The following PCSK5 variants were observed in gnomAD, a reference collection of about 807,000 sequenced individuals.
The protein encoded by PCSK5 is prohormone convertase 5.
A neutral mutation model predicts 233.2 loss-of-function variants in PCSK5; 129 were observed. The ratio of observed to expected loss-of-function variants is 0.55; its 90% CI spans 0.48 to 0.64. The LOEUF is 0.64. Among genes scored for constraint, PCSK5 ranks in the 30% least tolerant of loss-of-function variants. The pLI is 0.00. For synonymous variants in PCSK5, 825 were observed against 879.2 expected, an observed-to-expected ratio of 0.94 and a Z score of 1.09; for missense variants, 2,076 against 2,430.1, an observed-to-expected ratio of 0.85 and a Z score of 3.06.
At chr9:75,988,089 C>T (rs867535533) in intron 3 of PCSK5, among the ~76,000 whole-genome samples, 2 of 152,160 alleles carry the variant, frequency 1.3e-5, no homozygotes, top group African/African-American at 2.4e-5. Flanking sequence ...GATCTTGTCA[C>T]TCTGAAGAAC....
chr9:76,109,563 T>G (rs1832122993), intron 9 of PCSK5, among the ~76,000 whole-genome samples: 1 of 93,224 alleles, frequency 1.1e-5, no homozygotes, highest in South Asian at 3.3e-4. Context: ...TACAATTGTT[T>G]TTTTTTTTTT....
intron 9 of PCSK5, among the ~76,000 whole-genome samples, chr9:76,110,583 C>T (rs139763718): frequency 2.6e-5 from 4 of 152,262 alleles, no homozygotes; most frequent in Non-Finnish European, 4.4e-5. Flanking sequence ...GTAGTCCTAG[C>T]TACTCAGGGG....
At chr9:75,926,855 T>C (rs1228331769) in intron 1 of PCSK5, among the ~76,000 whole-genome samples, 1 of 152,238 alleles carries the variant, frequency 6.6e-6, no homozygotes, top group Non-Finnish European at 1.5e-5. Flanking sequence ...ATATGGTACA[T>C]GTAGTTTTTC....
intron 24 of PCSK5, among the ~76,000 whole-genome samples, chr9:76,285,901 T>G (rs941380625): frequency 1.3e-5 from 2 of 152,210 alleles, no homozygotes; most frequent in East Asian, 3.8e-4. Context: ...CATTTTCGTC[T>G]TTTTTAGATA....
chr9:76,160,827 GTGT>G (rs1242645904), intron 12 of PCSK5, among the ~76,000 whole-genome samples: 1 of 151,626 alleles, frequency 6.6e-6, no homozygotes, highest in Non-Finnish European at 1.5e-5. Flanking sequence ...CTGGAGTGCA[GTGT>G]TGGCACAATC....
chr9:75,893,686 AAG>A (rs748986879), intron 1 of PCSK5, among the ~76,000 whole-genome samples: 7 of 152,300 alleles, frequency 4.6e-5, no homozygotes, highest in Admixed American at 2.6e-4. Flanking sequence ...CCTTATAGTG[AAG>A]ATTCATGGCT....
chr9:76,081,483 A>C (rs1830835370), intron 7 of PCSK5, among the ~76,000 whole-genome samples: 1 of 151,258 alleles, frequency 6.6e-6, no homozygotes, highest in Non-Finnish European at 1.5e-5. Flanking sequence ...AAACAAACAA[A>C]CAAATAAATA....
At chr9:75,937,180 CTTTTT>C (rs35148539) in intron 2 of PCSK5, among the ~76,000 whole-genome samples, 1 of 136,196 alleles carries the variant, frequency 7.3e-6, no homozygotes. Context: ...TAGCATAATT[CTTTTT>C]TTTTTTTTTT....
intron 2 of PCSK5, among the ~76,000 whole-genome samples, chr9:75,966,960 G>A (rs764738616): frequency 2.0e-5 from 3 of 152,094 alleles, no homozygotes; most frequent in Non-Finnish European, 2.9e-5. Flanking sequence ...TATGGCTTTT[G>A]GTCCTCTTGA....
intron 34 of PCSK5, among the ~76,000 whole-genome samples, chr9:76,335,473 C>A (rs1370762861): frequency 1.3e-5 from 2 of 152,316 alleles, no homozygotes; most frequent in Middle Eastern, 3.4e-3. Flanking sequence ...CACTTCTCTG[C>A]ACCCTATCCC....
intron 20 of PCSK5, among the ~76,000 whole-genome samples, chr9:76,201,099 C>T (rs1449898217): frequency 1.3e-5 from 2 of 152,190 alleles, no homozygotes; most frequent in Non-Finnish European, 2.9e-5. Flanking sequence ...CTTCTGTTCA[C>T]TGTGATGTCC....
intron 9 of PCSK5, among the ~76,000 whole-genome samples, chr9:76,111,208 T>C (rs573652029): frequency 7.6e-4 from 116 of 152,330 alleles, no homozygotes; most frequent in African/African-American, 2.7e-3. Flanking sequence ...TGTATAAGAA[T>C]ATGTGTTGCA....
intron 22 of PCSK5, among the ~76,000 whole-genome samples, chr9:76,236,993 T>C (rs1035481500): frequency 2.6e-5 from 4 of 152,192 alleles, no homozygotes; most frequent in African/African-American, 9.7e-5. Flanking sequence ...TGATGTCTTG[T>C]GAAGGTGCAG....
intron 3 of PCSK5, among the ~76,000 whole-genome samples, chr9:75,990,376 GGT>G (rs758255870): frequency 3.3e-5 from 5 of 152,168 alleles, no homozygotes; most frequent in African/African-American, 4.8e-5. Context: ...CTTGGAAACT[GGT>G]GTGCAAAATC....
chr9:76,168,441 C>T (rs1823181653), intron 12 of PCSK5, among the ~76,000 whole-genome samples: 2 of 152,172 alleles, frequency 1.3e-5, no homozygotes, highest in Admixed American at 1.3e-4. Context: ...AACCGCTGCA[C>T]CCACTTATTT....
intron 7 of PCSK5, among the ~76,000 whole-genome samples, chr9:76,084,651 T>C (rs1564016446): frequency 6.6e-6 from 1 of 152,200 alleles, no homozygotes; most frequent in Non-Finnish European, 1.5e-5. Context: ...TTCAAAATCA[T>C]GTAGGGATTA....
chr9:76,206,437 A>G (rs769884486), intron 20 of PCSK5, among the ~76,000 whole-genome samples: 1 of 152,208 alleles, frequency 6.6e-6, no homozygotes, highest in Non-Finnish European at 1.5e-5. Flanking sequence ...CCACCCCAGA[A>G]GACAGAGCCC....
At chr9:76,340,216 A>C (rs1354094525) in intron 35 of PCSK5, among the ~76,000 whole-genome samples, 5 of 152,204 alleles carry the variant, frequency 3.3e-5, no homozygotes, top group Non-Finnish European at 7.3e-5. Context: ...ATTATACTAC[A>C]TTCATTGTGT....
rs1823880148 is a variant in PCSK5, at chr9:76,181,683, G to A, written c.2197+92G>A. 3 of 798,866 alleles carry A rather than the reference G, an allele frequency of 3.8e-6. No homozygotes were observed. In the East Asian group the frequency reaches 8.0e-5, roughly 21 times the overall value. 49.5% of individuals were successfully genotyped at this position (798,866 alleles called of 1,614,324 possible). On this transcript the variant is annotated intron_variant, in intron 16 of 37. Coordinates refer to ENST00000674117, the MANE Select transcript of PCSK5 (RefSeq NM_001372043.1). ...GAGGGATAGCCTCTTTGTGAAATCT[G>A]GAATTGTGCTTCATATCAAACAGGA... is the stretch of plus-strand genomic sequence containing the variant.
Sources: gnomAD v4.1 joint callset for allele counts (sites outside exome capture counted in the v4.1 genomes callset) on GRCh38, gnomAD v4.1.1 for gene constraint, MANE v1.5 for transcripts, NCBI Gene and HGNC (gene_info 2026-07-23, HGNC 2026-07-21) for gene names.